Variants in ASCC3 observed in about 807,000 individuals in gnomAD.
ASCC3 encodes activating signal cointegrator 1 complex subunit 3.
ASCC3 carries 158 observed loss-of-function variants against 256.3 expected under a neutral mutation model. That is an observed-to-expected ratio of 0.62 (90% CI 0.54 to 0.70). The LOEUF is 0.70. ASCC3 is among the 30% of genes least tolerant of loss of function. ASCC3 has a pLI of 0.00. For synonymous variants in ASCC3, 948 were observed against 883.4 expected, an observed-to-expected ratio of 1.07 and a Z score of -1.30; for missense variants, 2,259 against 2,626.0, an observed-to-expected ratio of 0.86 and a Z score of 3.05.
At chr6:100,597,824 A>AAAAAAAAAAAAAAAAAAAAAAAAC (rs376034418) in intron 34 of ASCC3, among the ~76,000 whole-genome samples, 1 of 149,452 alleles carries the variant, frequency 6.7e-6, no homozygotes, top group Non-Finnish European at 1.5e-5. Context: ...AAAAAAAAAA[A>AAAAAAAAAAAAAAAAAAAAAAAAC]TTAGCCGAGC....
At chr6:100,824,544 G>A (rs1230621326) in intron 4 of ASCC3, among the ~76,000 whole-genome samples, 2 of 152,020 alleles carry the variant, frequency 1.3e-5, no homozygotes, top group East Asian at 1.9e-4. Context: ...GAACCCTTTC[G>A]AATTAGAATA....
rs1388718089 is a variant in ASCC3 at position 100,606,621 on chromosome 6, T to G, written c.5044+119A>C. ...AAAGTCTATAATTGCTTATCATCTG[T>G]TTAAATGTGACCAATTCTCAGAAGT... On this transcript the variant is annotated intron_variant, in intron 32 of 41. Transcript: ENST00000369162. The G allele has an allele frequency of 4.2e-6, 5 of 1,179,866 alleles. No homozygotes were observed. The Admixed American group carries it at 9.7e-5, about 23-fold the overall frequency. The allele number at this position is 1,179,866 out of a possible 1,614,324, so 73.1% of individuals were successfully genotyped here. A position where few individuals can be genotyped will look rare whatever the true frequency, so the allele number is the denominator to read the frequency against.
At chr6:100,658,867 T>C (rs1389967351) in intron 16 of ASCC3, among the ~76,000 whole-genome samples, 1 of 151,556 alleles carries the variant, frequency 6.6e-6, no homozygotes, top group Non-Finnish European at 1.5e-5. Context: ...AAGATTAATA[T>C]AGTTTTGAAG....
chr6:100,723,582 T>C, intron 11 of ASCC3, among the ~76,000 whole-genome samples: 1 of 151,360 alleles, frequency 6.6e-6, no homozygotes, highest in East Asian at 1.9e-4. Context: ...CTTCTTTACA[T>C]TTCCACACTT....
intron 10 of ASCC3, among the ~76,000 whole-genome samples, chr6:100,760,880 A>T (rs1212260247): frequency 2.0e-5 from 3 of 152,172 alleles, no homozygotes; most frequent in Non-Finnish European, 2.9e-5. Flanking sequence ...CCATCAGCAA[A>T]ATCCAAAAAG....
At chr6:100,836,303 A>G (rs888824181) in intron 4 of ASCC3, among the ~76,000 whole-genome samples, 6 of 149,292 alleles carry the variant, frequency 4.0e-5, no homozygotes, top group Admixed American at 4.0e-4. Context: ...TAGAAGTGGC[A>G]AAAGTGGGCA....
chr6:100,846,565 C>T (rs367826749), intron 4 of ASCC3, among the ~76,000 whole-genome samples: 18 of 152,162 alleles, frequency 1.2e-4, no homozygotes, highest in African/African-American at 4.3e-4. Flanking sequence ...GCTCAGCCCT[C>T]ACCTCCTTTG....
At chr6:100,638,525 A>G in intron 25 of ASCC3, 76 bp downstream of exon 25, 1 of 1,241,742 alleles carries the variant, frequency 8.1e-7, no homozygotes, top group Non-Finnish European at 1.1e-6. Context: ...CCCTGCCAAT[A>G]TATTTAGAAC....
chr6:100,809,112 T>C (rs1770332512), intron 4 of ASCC3, among the ~76,000 whole-genome samples: 1 of 151,932 alleles, frequency 6.6e-6, no homozygotes, highest in Non-Finnish European at 1.5e-5. Flanking sequence ...CCTAGGATGT[T>C]AATGTACTAC....
At chr6:100,766,945 A>G (rs1412107197) in intron 9 of ASCC3, among the ~76,000 whole-genome samples, 200 bp downstream of exon 9, 1 of 152,236 alleles carries the variant, frequency 6.6e-6, no homozygotes, top group Non-Finnish European at 1.5e-5. Flanking sequence ...ATGTATTTTC[A>G]TAGCTTCTTA....
chr6:100,840,324 TAA>T (rs1290080692), intron 4 of ASCC3, among the ~76,000 whole-genome samples: 3 of 152,066 alleles, frequency 2.0e-5, no homozygotes, highest in African/African-American at 7.2e-5. Flanking sequence ...ATATTTAGCA[TAA>T]GAGTCTTTTT....
chr6:100,721,334 G>A (rs1779319722), intron 11 of ASCC3, among the ~76,000 whole-genome samples: 2 of 151,912 alleles, frequency 1.3e-5, no homozygotes, highest in East Asian at 3.9e-4. Context: ...TAAATGTGGT[G>A]TATGGATTGT....
chr6:100,730,883 C>A (rs1363559427), intron 10 of ASCC3, among the ~76,000 whole-genome samples: 2 of 152,180 alleles, frequency 1.3e-5, no homozygotes, highest in Non-Finnish European at 2.9e-5. Context: ...CGCTCACACA[C>A]ATAAAGCATA....
At chr6:100,510,543 A>G (rs1773709411) in intron 40 of ASCC3, among the ~76,000 whole-genome samples, 1 of 152,204 alleles carries the variant, frequency 6.6e-6, no homozygotes, top group Non-Finnish European at 1.5e-5. Context: ...ACAAAAACAC[A>G]AAGCCAATCA....
At chr6:100,524,272 A>G (rs905881782) in intron 37 of ASCC3, among the ~76,000 whole-genome samples, 2 of 152,122 alleles carry the variant, frequency 1.3e-5, no homozygotes, top group African/African-American at 4.8e-5. Context: ...TGAACTCCAG[A>G]CAAAATTATT....
intron 36 of ASCC3, among the ~76,000 whole-genome samples, chr6:100,557,269 G>A (rs1192549725): frequency 1.3e-5 from 2 of 152,008 alleles, no homozygotes; most frequent in Non-Finnish European, 1.5e-5. Flanking sequence ...GTTCTTTAAC[G>A]CAGGCATATA....
chr6:100,691,178 A>T (rs1777831051), intron 13 of ASCC3, among the ~76,000 whole-genome samples: 1 of 152,024 alleles, frequency 6.6e-6, no homozygotes, highest in Non-Finnish European at 1.5e-5. Flanking sequence ...ACTATAAAAA[A>T]TATTATCTTA....
chr6:100,705,065 A>G lies in ASCC3; in HGVS notation c.2151+10397T>C, dbSNP rs575826449. On this transcript the variant is annotated intron_variant, in intron 13 of 41. Coordinates refer to ENST00000369162, the MANE Select transcript of ASCC3 (RefSeq NM_006828.4). ...ACACAAAGAGAAGCTTACAAATGAG[A>G]CGTCTCATTAGTTTGAGCAGATGGA... is the stretch of plus-strand genomic sequence containing the variant. Among the ~76,000 whole-genome samples, 6 of 152,204 alleles carry G rather than the reference A, an allele frequency of 3.9e-5. No homozygotes were observed. The East Asian group carries it at 9.7e-4, about 24-fold the overall frequency.
intron 8 of ASCC3, among the ~76,000 whole-genome samples, chr6:100,768,534 T>C (rs1443910479): frequency 2.0e-5 from 3 of 152,144 alleles, no homozygotes; most frequent in East Asian, 1.9e-4. Flanking sequence ...CACGATATAA[T>C]AGTCCTAAAC....
Sources: gnomAD v4.1 joint callset for allele counts (sites outside exome capture counted in the v4.1 genomes callset) on GRCh38, gnomAD v4.1.1 for gene constraint, MANE v1.5 for transcripts, NCBI Gene and HGNC (gene_info 2026-07-23, HGNC 2026-07-21) for gene names.